The following UBXN2B variants were observed in gnomAD, a reference collection of about 807,000 sequenced individuals.
UBXN2B encodes UBX domain-containing protein 2B.
UBXN2B carries 19 observed loss-of-function variants against 37.5 expected under a neutral mutation model. The observed-to-expected ratio is 0.51, with a 90% confidence interval of 0.35 to 0.74. The LOEUF is 0.74. Ranked by LOEUF, UBXN2B falls within the 30% of genes least tolerant of loss-of-function variation. The probability of loss-of-function intolerance (pLI) is 0.01; values close to 1 mark genes in which losing one functional copy is unlikely to be tolerated. For synonymous variants in UBXN2B, 145 were observed against 143.8 expected (o/e 1.01, Z -0.06); for missense variants, 370 against 393.2 (o/e 0.94, Z 0.50).
chr8:58,436,814 T>C (rs2129604405), intron 5 of UBXN2B, among the ~76,000 whole-genome samples: 1 of 152,338 alleles, frequency 6.6e-6, no homozygotes, highest in South Asian at 2.1e-4. Flanking sequence ...TCCCTGCGGC[T>C]TCACCAGAAG....
At chr8:58,438,105 G>A (rs1280144587) in intron 5 of UBXN2B, among the ~76,000 whole-genome samples, 1 of 152,124 alleles carries the variant, frequency 6.6e-6, no homozygotes, top group Non-Finnish European at 1.5e-5. Flanking sequence ...AAAGCCCCAG[G>A]TATAGCTTGG....
intron 3 of UBXN2B, among the ~76,000 whole-genome samples, chr8:58,431,985 A>G (rs1433061518): frequency 1.3e-5 from 2 of 152,164 alleles, no homozygotes; most frequent in African/African-American, 4.8e-5. Flanking sequence ...TTTAATAGGT[A>G]TGGGTCCTTT....
At chr8:58,425,193 A>G in intron 2 of UBXN2B, 1 of 922,540 alleles carries the variant, frequency 1.1e-6, no homozygotes. Context: ...TATAGTTGTG[A>G]GCGGTGCTTT....
Position 58,449,983 on chromosome 8 carries a change from T to G in UBXN2B, c.*2432T>G, listed in dbSNP as rs545368199. ...CTTTCCTGGAAAATCCTGTCTCTGTTTTTGGCTTTTTCTGAAATAGCTGAG... is the reference window on the plus strand; with the variant it reads ...CTTTCCTGGAAAATCCTGTCTCTGTGTTTGGCTTTTTCTGAAATAGCTGAG... On this transcript the variant is annotated 3_prime_UTR_variant, in exon 8 of 8. Coordinates refer to ENST00000399598, the MANE Select transcript of UBXN2B (RefSeq NM_001077619.2). 6.6e-6 allele frequency: 1 copy of G among 152,320 alleles called. No individual in the cohort carries two copies. The highest frequency in any genetic ancestry group is 2.1e-4 in the South Asian group (1 of 4,826). The allele number at this position is 152,320 out of a possible 1,614,324, so 9.4% of individuals were successfully genotyped here.
At chr8:58,420,669 TATTA>T (rs753032506) in intron 2 of UBXN2B, among the ~76,000 whole-genome samples, 5 of 152,198 alleles carry the variant, frequency 3.3e-5, no homozygotes, top group Non-Finnish European at 7.3e-5. Context: ...ACAGACAAAT[TATTA>T]ATTACATGAT....
At chr8:58,418,222 T>C (rs1807834181) in intron 2 of UBXN2B, among the ~76,000 whole-genome samples, 1 of 129,268 alleles carries the variant, frequency 7.7e-6, no homozygotes, top group South Asian at 2.4e-4. Context: ...GCCTGAATGA[T>C]GGAGAAGGAC....
intron 6 of UBXN2B, 124 bp downstream of exon 6, chr8:58,439,894 A>C: frequency 1.3e-6 from 1 of 741,486 alleles, no homozygotes; most frequent in Non-Finnish European, 2.1e-6. Flanking sequence ...AGATATATAC[A>C]TCTGTTAATA....
intron 3 of UBXN2B, among the ~76,000 whole-genome samples, chr8:58,432,383 T>C (rs1183694119): frequency 7.4e-6 from 1 of 135,582 alleles, no homozygotes; most frequent in East Asian, 2.1e-4. Flanking sequence ...TTCTTTTTTT[T>C]TTTTTTTTTT....
At chr8:58,435,447 A>G (rs1466445876) in intron 5 of UBXN2B, among the ~76,000 whole-genome samples, 3 of 152,164 alleles carry the variant, frequency 2.0e-5, no homozygotes, top group Non-Finnish European at 4.4e-5. Flanking sequence ...AAAGGTGGGA[A>G]GCTGTCCTAG....
intron 7 of UBXN2B, among the ~76,000 whole-genome samples, chr8:58,446,485 T>TTG (rs1453653678): frequency 2.0e-5 from 3 of 152,182 alleles, no homozygotes; most frequent in African/African-American, 7.2e-5. Context: ...TAAATGTGTA[T>TTG]TGTAAATCAA....
At chr8:58,442,643 T>C (rs1037322025) in intron 6 of UBXN2B, among the ~76,000 whole-genome samples, 1 of 152,082 alleles carries the variant, frequency 6.6e-6, no homozygotes, top group Non-Finnish European at 1.5e-5. Context: ...AAGCAAACCA[T>C]AGATATAAAA....
chr8:58,425,820 C>T, intron 2 of UBXN2B: 1 of 1,171,760 alleles, frequency 8.5e-7, no homozygotes, highest in South Asian at 1.2e-5. Context: ...CGTTCTCCTC[C>T]ACCAACATCG....
intron 3 of UBXN2B, among the ~76,000 whole-genome samples, chr8:58,432,366 T>C (rs1052171399): frequency 6.8e-6 from 1 of 146,772 alleles, no homozygotes; most frequent in Non-Finnish European, 1.5e-5. Context: ...TTTGTACCTT[T>C]CTAAATTTCT....
At position 58,450,715 on chromosome 8, in the gene UBXN2B, C is replaced by G. The variant is rs1047268296; in HGVS notation, c.*3164C>G. On this transcript the variant is annotated 3_prime_UTR_variant, in exon 8 of 8. Coordinates refer to ENST00000399598, the MANE Select transcript of UBXN2B (RefSeq NM_001077619.2). ...AGCAGCACCTCAAGTACCTAGAAAA[C>G]TCTTTTATGCCTGCTTCTCTGCCAG... 1 of 152,190 alleles carries G rather than the reference C, an allele frequency of 6.6e-6. No individual in the cohort carries two copies. Among genetic ancestry groups the G allele is most frequent in the African/African-American group, 2.4e-5 (1 of 41,442 alleles). 9.4% of individuals were successfully genotyped at this position (152,190 alleles called of 1,614,324 possible).
At chr8:58,445,844 C>T (rs532887315) in intron 6 of UBXN2B, 63 bp from the exon 7 acceptor site, 101 of 1,385,064 alleles carry the variant, frequency 7.3e-5, no homozygotes, top group Non-Finnish European at 8.8e-5. Context: ...AAGTGTTTAT[C>T]GCTGTCTTCA....
intron 1 of UBXN2B, among the ~76,000 whole-genome samples, chr8:58,413,532 A>G (rs1288895973): frequency 6.6e-6 from 1 of 152,162 alleles, no homozygotes; most frequent in Non-Finnish European, 1.5e-5. Flanking sequence ...TTACTTCCCT[A>G]ACAGCTTGCT....
chr8:58,433,236 T>A lies in UBXN2B; in HGVS notation c.416T>A (p.Leu139Gln), dbSNP rs908142790. 6.8e-6 allele frequency: 11 copies of A among 1,609,506 alleles called. No individual in the cohort carries two copies. The highest frequency in any genetic ancestry group is 5.1e-6 in the Non-Finnish European group (6 of 1,177,364). ...GAATATATCTATGGAGAAAATCAGC[T>A]GCAAGATGTAGGTACAATAATCAAA... Reference protein sequence around the residue: ...RSEYIYGENQLQDVQILLKLW... With the variant: ...RSEYIYGENQQQDVQILLKLW... Residue 139 changes from leucine to glutamine, a missense_variant, in exon 4 of 8, where the codon CTG becomes CAG. By Grantham distance (113) the Leu-to-Gln change is moderately radical. Coordinates refer to ENST00000399598, the MANE Select transcript of UBXN2B (RefSeq NM_001077619.2).
At chr8:58,424,875 A>G (rs1225087123) in intron 2 of UBXN2B, 2 of 1,119,650 alleles carry the variant, frequency 1.8e-6, no homozygotes, top group Non-Finnish European at 2.7e-6. Context: ...CTGACCTCTG[A>G]GACTGCACCA....
intron 6 of UBXN2B, 79 bp downstream of exon 6, chr8:58,439,849 T>A (rs1311523411): frequency 6.7e-7 from 1 of 1,486,888 alleles, no homozygotes; most frequent in African/African-American, 1.4e-5. Context: ...AAATGACCTA[T>A]GAAGTAAAAA....
Sources: allele counts gnomAD v4.1 joint callset (sites outside exome capture counted in the v4.1 genomes callset), GRCh38; gene constraint gnomAD v4.1.1; transcripts MANE v1.5; gene names NCBI Gene and HGNC (gene_info 2026-07-23, HGNC 2026-07-21).